The following PRKG1 variants were observed in gnomAD, a reference collection of about 807,000 sequenced individuals.
The protein encoded by PRKG1 is cGMP-dependent protein kinase 1.
PRKG1 carries 35 observed loss-of-function variants against 88.1 expected under a neutral mutation model. The ratio of observed to expected loss-of-function variants is 0.40; its 90% CI spans 0.30 to 0.53. PRKG1 has a LOEUF of 0.53. Ranked by LOEUF, PRKG1 falls within the 20% of genes least tolerant of loss-of-function variation. The pLI, the probability that PRKG1 is intolerant of heterozygous loss-of-function variation, is 0.59. For missense variants in PRKG1, 540 were observed against 839.8 expected, an observed-to-expected ratio of 0.64 and a Z score of 4.41; for synonymous variants, 303 against 292.5, an observed-to-expected ratio of 1.04 and a Z score of -0.37.
intron 3 of PRKG1, among the ~76,000 whole-genome samples, chr10:51,757,719 T>G (rs1422888441): frequency 6.6e-6 from 1 of 152,210 alleles, no homozygotes; most frequent in African/African-American, 2.4e-5. Context: ...GTAAAATAAC[T>G]TCTAATACTT....
intron 5 of PRKG1, among the ~76,000 whole-genome samples, chr10:51,979,863 A>C (rs1333948328): frequency 6.6e-6 from 1 of 151,912 alleles, no homozygotes; most frequent in African/African-American, 2.4e-5. Context: ...AATTGTGTTT[A>C]TTTGGATCTT....
At chr10:51,239,992 A>G (rs1367728821) in intron 2 of PRKG1, among the ~76,000 whole-genome samples, 1 of 152,212 alleles carries the variant, frequency 6.6e-6, no homozygotes, top group African/African-American at 2.4e-5. Flanking sequence ...GACCCAAGGA[A>G]GGTACAGAAT....
At chr10:52,105,858 G>A (rs903554636) in intron 7 of PRKG1, among the ~76,000 whole-genome samples, 2 of 151,730 alleles carry the variant, frequency 1.3e-5, no homozygotes, top group Admixed American at 1.3e-4. Flanking sequence ...GAGACAGGTG[G>A]TTTTTGGTTA....
At chr10:51,614,051 T>G (rs1477122515) in intron 3 of PRKG1, among the ~76,000 whole-genome samples, 1 of 152,006 alleles carries the variant, frequency 6.6e-6, no homozygotes, top group Non-Finnish European at 1.5e-5. Flanking sequence ...GTTGTTGCTT[T>G]TTTTGTCTAA....
intron 3 of PRKG1, among the ~76,000 whole-genome samples, chr10:51,641,933 G>A (rs1839811092): frequency 1.3e-5 from 2 of 152,140 alleles, no homozygotes; most frequent in South Asian, 4.1e-4. Context: ...TGTTTCCCTT[G>A]AAGAAAAGGC....
chr10:52,202,120 C>T (rs1302851582), intron 9 of PRKG1, among the ~76,000 whole-genome samples: 4 of 151,868 alleles, frequency 2.6e-5, no homozygotes, highest in Non-Finnish European at 5.9e-5. Context: ...GAATTAGCAT[C>T]TTTGTCTTGT....
chr10:52,155,953 A>G (rs1368222848), intron 8 of PRKG1, among the ~76,000 whole-genome samples: 1 of 152,026 alleles, frequency 6.6e-6, no homozygotes, highest in Non-Finnish European at 1.5e-5. Context: ...ATTAATTCTT[A>G]GCTTTTTATT....
rs190320797 is a variant in PRKG1, at chr10:52,186,598, T to C, written c.1076+24635T>C. Among the ~76,000 whole-genome samples, 170 of 152,208 alleles carry C rather than the reference T, an allele frequency of 1.1e-3. 2 individuals are homozygous for C. The highest frequency in any genetic ancestry group is 3.2e-4 in the Non-Finnish European group (22 of 68,006). ...TGAGGTTATTCTTTGTTGCGTTATG[T>C]ATCTTGTACATTGTAGCATGTTTAG... On this transcript the variant is annotated intron_variant, in intron 9 of 17. Coordinates refer to ENST00000373980, the MANE Select transcript of PRKG1 (RefSeq NM_006258.4).
At chr10:51,564,771 A>G (rs992487217) in intron 3 of PRKG1, among the ~76,000 whole-genome samples, 1 of 152,128 alleles carries the variant, frequency 6.6e-6, no homozygotes, top group Admixed American at 6.6e-5. Flanking sequence ...GATTTCATAT[A>G]ATTTCAAGCC....
chr10:51,434,628 G>T (rs2132732248), intron 2 of PRKG1, among the ~76,000 whole-genome samples: 1 of 152,198 alleles, frequency 6.6e-6, no homozygotes, highest in Middle Eastern at 3.4e-3. Context: ...CAAGCTTGAG[G>T]ACAATCAGCT....
intron 10 of PRKG1, among the ~76,000 whole-genome samples, chr10:52,264,923 G>A (rs1316964460): frequency 6.6e-6 from 1 of 151,988 alleles, no homozygotes; most frequent in African/African-American, 2.4e-5. Flanking sequence ...TTTCAGAGAG[G>A]ACCATCATGT....
chr10:51,770,381 C>T (rs1173530758), intron 3 of PRKG1, among the ~76,000 whole-genome samples: 1 of 152,208 alleles, frequency 6.6e-6, no homozygotes, highest in African/African-American at 2.4e-5. Context: ...GAAGGGCCAT[C>T]AGCAGTATGG....
chr10:51,421,499 C>T (rs1386885352), intron 2 of PRKG1, among the ~76,000 whole-genome samples: 1 of 152,052 alleles, frequency 6.6e-6, no homozygotes, highest in Non-Finnish European at 1.5e-5. Context: ...TTAGATAGGT[C>T]ATAATCTCTC....
chr10:51,217,790 G>C (rs1838410715), intron 2 of PRKG1, among the ~76,000 whole-genome samples: 1 of 152,070 alleles, frequency 6.6e-6, no homozygotes, highest in African/African-American at 2.4e-5. Context: ...ATTCAGATCT[G>C]ATTATGGATG....
intron 3 of PRKG1, among the ~76,000 whole-genome samples, chr10:51,749,161 A>G (rs1393504682): frequency 6.6e-6 from 1 of 152,236 alleles, no homozygotes; most frequent in East Asian, 1.9e-4. Flanking sequence ...TTCAGAAGTG[A>G]GTACTGAACT....
At chr10:51,578,609 C>T (rs1165821171) in intron 3 of PRKG1, among the ~76,000 whole-genome samples, 1 of 152,118 alleles carries the variant, frequency 6.6e-6, no homozygotes, top group African/African-American at 2.4e-5. Context: ...CAAGAGAAGG[C>T]TGATGCTTTC....
At position 52,171,661 on chromosome 10, in the gene PRKG1, AG is replaced by A. The variant is rs1183839920; in HGVS notation, c.1076+9699del. 3.9e-4 allele frequency among the ~76,000 whole-genome samples: 60 copies of A among 152,244 alleles called. 1 individual carries two copies. In the East Asian group the frequency reaches 0.011, roughly 28 times the overall value. ...ATACTTCAGCAGGATTTGTGACTGCAGAGAATATCAAAATCCAATGCTCTTT... is the reference window on the plus strand; with the variant it reads ...ATACTTCAGCAGGATTTGTGACTGCAAGAATATCAAAATCCAATGCTCTTT... On this transcript the variant is annotated intron_variant, in intron 9 of 17. Transcript: ENST00000373980.
At chr10:51,146,971 G>A (rs530209590) in intron 1 of PRKG1, among the ~76,000 whole-genome samples, 135 of 152,262 alleles carry the variant, frequency 8.9e-4, no homozygotes, top group Middle Eastern at 6.8e-3. Context: ...CCATAAAAAA[G>A]AATGAAATCC....
chr10:51,619,370 T>C (rs970736806), intron 3 of PRKG1, among the ~76,000 whole-genome samples: 2 of 152,198 alleles, frequency 1.3e-5, no homozygotes, highest in Non-Finnish European at 2.9e-5. Context: ...TTTTGCTCTA[T>C]GAAGGAGGTT....
Sources: gnomAD v4.1 joint callset for allele counts (sites outside exome capture counted in the v4.1 genomes callset) on GRCh38, gnomAD v4.1.1 for gene constraint, MANE v1.5 for transcripts, NCBI Gene and HGNC (gene_info 2026-07-23, HGNC 2026-07-21) for gene names.